The following EFHC2 variants were observed in gnomAD, a reference collection of about 807,000 sequenced individuals.
EFHC2 encodes the protein EF-hand domain-containing family member C2.
In EFHC2, 18 loss-of-function variants were observed where a neutral mutation model predicts 52.7. The observed-to-expected ratio is 0.34, with a 90% CI of 0.24 to 0.51. The LOEUF (loss-of-function observed/expected upper bound fraction) is 0.51. Among genes scored for constraint, EFHC2 ranks in the 20% least tolerant of loss-of-function variants. The pLI is 0.97. For synonymous variants in EFHC2, 203 were observed against 204.1 expected, an observed-to-expected ratio of 0.99 and a Z score of 0.04; for missense variants, 513 against 562.5, an observed-to-expected ratio of 0.91 and a Z score of 0.89.
intron 1 of EFHC2, among the ~76,000 whole-genome samples, chrX:44,328,716 TTGG>T (rs1313820813): frequency 9.0e-6 from 1 of 111,611 alleles, no homozygotes; most frequent in African/African-American, 3.3e-5. Context: ...TAGCCTCTGA[TTGG>T]TTGCTTTCCA....
intron 11 of EFHC2, among the ~76,000 whole-genome samples, chrX:44,193,824 G>T (rs1313315445): frequency 8.9e-6 from 1 of 112,063 alleles, no homozygotes; most frequent in East Asian, 2.8e-4. Flanking sequence ...GGGTGGGAGG[G>T]AGGAAGAAAG....
intron 4 of EFHC2, among the ~76,000 whole-genome samples, chrX:44,255,508 A>C (rs764901183): frequency 1.8e-5 from 2 of 111,819 alleles, no homozygotes; most frequent in African/African-American, 3.3e-5. Context: ...AAACCAACAA[A>C]GATCAAAAAA....
At chrX:44,279,760 T>C (rs1332766493) in intron 2 of EFHC2, among the ~76,000 whole-genome samples, 3 of 110,719 alleles carry the variant, frequency 2.7e-5, no homozygotes, top group Non-Finnish European at 5.7e-5. Flanking sequence ...CCAACCAGGA[T>C]GATTTACTAA....
At chrX:44,300,450 A>G (rs957853955) in intron 2 of EFHC2, among the ~76,000 whole-genome samples, 1 of 111,374 alleles carries the variant, frequency 9.0e-6, no homozygotes, top group African/African-American at 3.3e-5. Flanking sequence ...TAAGCCACCC[A>G]GTCTGTAGTA....
intron 13 of EFHC2, among the ~76,000 whole-genome samples, chrX:44,168,501 C>T (rs932167963): frequency 2.6e-4 from 28 of 108,077 alleles, no homozygotes; most frequent in Non-Finnish European, 5.2e-4. Context: ...CACTACACTC[C>T]GGCCTGGGCG....
intron 2 of EFHC2, among the ~76,000 whole-genome samples, chrX:44,282,750 A>G (rs2037715796): frequency 1.0e-5 from 1 of 100,234 alleles, no homozygotes; most frequent in East Asian, 3.4e-4. Flanking sequence ...GTTTTTTAAA[A>G]CTATGTTTTT....
At chrX:44,234,363 C>T (rs1159631087) in intron 9 of EFHC2, among the ~76,000 whole-genome samples, 1 of 112,133 alleles carries the variant, frequency 8.9e-6, no homozygotes, top group Non-Finnish European at 1.9e-5. Flanking sequence ...GACTTATATT[C>T]ATCCCTAGGC....
intron 11 of EFHC2, among the ~76,000 whole-genome samples, chrX:44,190,692 T>C (rs899984296): frequency 2.0e-5 from 1 of 51,101 alleles, no homozygotes; most frequent in African/African-American, 9.2e-5. Context: ...TTTATGATAA[T>C]GTTGATGGGG....
chrX:44,196,576 C>T (rs1016039847), intron 11 of EFHC2, among the ~76,000 whole-genome samples: 26 of 111,523 alleles, frequency 2.3e-4, no homozygotes, highest in African/African-American at 8.1e-4. Context: ...AATCCTACCC[C>T]AACTGCCCCC....
chrX:44,329,523 A>G (rs2038072932), intron 1 of EFHC2, among the ~76,000 whole-genome samples: 1 of 111,897 alleles, frequency 8.9e-6, no homozygotes, highest in Non-Finnish European at 1.9e-5. Flanking sequence ...GTGCTTGAGC[A>G]ACTGGGCATC....
intron 2 of EFHC2, among the ~76,000 whole-genome samples, chrX:44,299,218 C>T (rs1369130734): frequency 9.0e-6 from 1 of 111,509 alleles, no homozygotes; most frequent in Non-Finnish European, 1.9e-5. Context: ...CAAGGACATT[C>T]CCAAGTTAGC....
chrX:44,234,648 A>C (rs1263901281), intron 9 of EFHC2, among the ~76,000 whole-genome samples: 1 of 112,200 alleles, frequency 8.9e-6, no homozygotes, highest in Admixed American at 9.4e-5. Flanking sequence ...ATCACTGATT[A>C]TTCTTCCCAA....
chrX:44,198,763 G>A (rs1367764078), intron 11 of EFHC2, among the ~76,000 whole-genome samples: 4 of 110,996 alleles, frequency 3.6e-5, no homozygotes, highest in Non-Finnish European at 5.7e-5. Context: ...ACACTCACCA[G>A]GGCACAAACG....
intron 2 of EFHC2, among the ~76,000 whole-genome samples, chrX:44,279,655 C>G (rs1190980065): frequency 1.8e-5 from 2 of 110,631 alleles, no homozygotes; most frequent in Admixed American, 9.7e-5. Context: ...AAGTGATATT[C>G]TGTAAGAACC....
chrX:44,193,817 TGGGA>T (rs1394018592), intron 11 of EFHC2, among the ~76,000 whole-genome samples: 4 of 110,678 alleles, frequency 3.6e-5, no homozygotes, highest in South Asian at 3.8e-4. Context: ...GGAAGGAGGG[TGGGA>T]GGGAGGAAGA....
intron 13 of EFHC2, among the ~76,000 whole-genome samples, chrX:44,173,982 G>A (rs913359176): frequency 1.8e-5 from 2 of 111,769 alleles, no homozygotes; most frequent in African/African-American, 6.5e-5. Context: ...CTAGAAGACA[G>A]CTTAATGTGT....
intron 11 of EFHC2, among the ~76,000 whole-genome samples, chrX:44,216,840 C>T (rs1289472407): frequency 1.8e-5 from 2 of 111,496 alleles, no homozygotes; most frequent in Non-Finnish European, 3.8e-5. Flanking sequence ...CCCACAAGCA[C>T]AGGCAACTAC....
chrX:44,149,346 T>C (rs1236495719), intron 14 of EFHC2, among the ~76,000 whole-genome samples: 1 of 111,563 alleles, frequency 9.0e-6, no homozygotes, highest in Non-Finnish European at 1.9e-5. Context: ...ACTTGCGGAC[T>C]AAGAGCCAAG....
At position 44,343,661 on chromosome X, in the gene EFHC2, T is replaced by G; in HGVS notation, c.-73A>C. ...AGGCAGCGGCGCCTCCCGGCCGTGT[T>G]GTTTGGCCCCCACGTTGCCTGGAGA... On this transcript the variant is annotated 5_prime_UTR_variant, in exon 1 of 15. Coordinates refer to ENST00000420999, the MANE Select transcript of EFHC2 (RefSeq NM_025184.4). 3 of 1,102,894 alleles carry G rather than the reference T, an allele frequency of 2.7e-6. No homozygotes were observed. Among genetic ancestry groups the G allele is most frequent in the Non-Finnish European group, 3.7e-6 (3 of 821,410 alleles). 90.9% of individuals were successfully genotyped at this position (1,102,894 alleles called of 1,213,427 possible). A position where few individuals can be genotyped will look rare whatever the true frequency, so the allele number is the denominator to read the frequency against.
Sources: gnomAD v4.1 joint callset for allele counts (sites outside exome capture counted in the v4.1 genomes callset) on GRCh38, gnomAD v4.1.1 for gene constraint, MANE v1.5 for transcripts, NCBI Gene and HGNC (gene_info 2026-07-23, HGNC 2026-07-21) for gene names.